SNX29: variants seen among roughly 807,000 people sequenced by gnomAD.
The protein encoded by SNX29 is sorting nexin 29.
Under a neutral mutation model 102.1 loss-of-function variants are expected in SNX29, and 78 were observed. The ratio of observed to expected loss-of-function variants is 0.76; its 90% CI spans 0.64 to 0.92. The LOEUF (loss-of-function observed/expected upper bound fraction) is 0.92. Among genes scored for constraint, SNX29 ranks in the 40% least tolerant of loss-of-function variants. SNX29 has a pLI of 0.00. For synonymous variants in SNX29, 580 were observed against 414.5 expected (o/e 1.40, Z -4.85); for missense variants, 1,280 against 1,061.7 (o/e 1.21, Z -2.86).
At chr16:12,043,830 T>C (rs1596676457) in intron 5 of SNX29, among the ~76,000 whole-genome samples, 1 of 152,186 alleles carries the variant, frequency 6.6e-6, no homozygotes, top group African/African-American at 2.4e-5. Flanking sequence ...CTGGGCTCAC[T>C]GCAACCTCCG....
chr16:12,396,316 G>T (rs2083718911), intron 16 of SNX29, among the ~76,000 whole-genome samples: 1 of 152,190 alleles, frequency 6.6e-6, no homozygotes, highest in African/African-American at 2.4e-5. Context: ...CCTTCTGCCT[G>T]TGCTCTGTGG....
rs559414979 is a variant in SNX29 at position 12,263,632 on chromosome 16, T to A, written c.1679-14301T>A. ...TTCCCTGCAGTGAACATATGTTACTTATATAATTTGAGAAAATAAACTTTT... is the reference window on the plus strand; with the variant it reads ...TTCCCTGCAGTGAACATATGTTACTAATATAATTTGAGAAAATAAACTTTT... On this transcript the variant is annotated intron_variant, in intron 14 of 20. Transcript: ENST00000566228. 2.9e-4 allele frequency among the ~76,000 whole-genome samples: 44 copies of A among 152,324 alleles called. 1 individual carries two copies. The Middle Eastern group carries it at 0.01, about 36-fold the overall frequency.
chr16:12,254,756 C>T (rs995395842), intron 14 of SNX29, among the ~76,000 whole-genome samples: 3 of 152,122 alleles, frequency 2.0e-5, no homozygotes, highest in African/African-American at 7.2e-5. Flanking sequence ...TGTGTTGTGG[C>T]TGCCGATGGG....
intron 13 of SNX29, among the ~76,000 whole-genome samples, chr16:12,142,982 G>T (rs1189308831): frequency 6.6e-6 from 1 of 151,388 alleles, no homozygotes; most frequent in African/African-American, 2.4e-5. Flanking sequence ...TGAAGGGAAG[G>T]ATATGCAAGC....
Position 12,282,083 on chromosome 16 carries a change from CAAAAA to C in SNX29, c.1782+4068_1782+4072del, listed in dbSNP as rs758827865. Among the ~76,000 whole-genome samples the C allele has an allele frequency of 6.9e-4, 43 of 62,070 alleles. 1 individual carries two copies. Among genetic ancestry groups the C allele is most frequent in the African/African-American group, 2.6e-3 (42 of 15,996 alleles). 40.7% of individuals were successfully genotyped at this position (62,070 alleles called of 152,430 possible). On this transcript the variant is annotated intron_variant, in intron 15 of 20. Transcript: ENST00000566228. ...TGGGCGACAGAGTGAGACTCCATCT[CAAAAA>C]AAAAAAAAAAAAAAAAAAAATGCAG...
intron 15 of SNX29, among the ~76,000 whole-genome samples, chr16:12,305,281 G>A (rs58009694): frequency 0.054 from 8,295 of 152,314 alleles, 333 homozygotes; most frequent in African/African-American, 0.12. Flanking sequence ...GAGGTGTGAC[G>A]AGGTTAGACT....
At chr16:11,976,869 C>G in intron 1 of SNX29, 56 bp downstream of exon 1, 2 of 1,318,212 alleles carry the variant, frequency 1.5e-6, no homozygotes, top group Non-Finnish European at 1.9e-6. Flanking sequence ...TCCCGCCGCT[C>G]CAGCTGCACA....
chr16:11,982,725 G>A (rs527528431), intron 1 of SNX29, among the ~76,000 whole-genome samples: 2 of 152,044 alleles, frequency 1.3e-5, no homozygotes, highest in East Asian at 1.9e-4. Flanking sequence ...CACCGTGCCC[G>A]GTCTCCATCA....
intron 13 of SNX29, among the ~76,000 whole-genome samples, chr16:12,196,778 G>T (rs1169707105): frequency 6.6e-6 from 1 of 151,840 alleles, no homozygotes; most frequent in Non-Finnish European, 1.5e-5. Flanking sequence ...ATGCCACCAT[G>T]CCCAGCTAAT....
chr16:12,486,296 T>C (rs546011964), intron 19 of SNX29, among the ~76,000 whole-genome samples: 1 of 152,336 alleles, frequency 6.6e-6, no homozygotes, highest in Non-Finnish European at 1.5e-5. Flanking sequence ...GTAATGTCCC[T>C]GTGTCAGGGC....
At chr16:12,121,468 G>T (rs1361876962) in intron 11 of SNX29, among the ~76,000 whole-genome samples, 2 of 152,370 alleles carry the variant, frequency 1.3e-5, no homozygotes, top group East Asian at 3.9e-4. Flanking sequence ...TCTCCCGCTG[G>T]CCCTTGGGTA....
rs941036931 is a variant in SNX29, at chr16:12,564,212, ACC to A, written c.2319-4290_2319-4289del. On this transcript the variant is annotated intron_variant, in intron 20 of 20. Coordinates refer to ENST00000566228, the MANE Select transcript of SNX29 (RefSeq NM_032167.5). ...AGACCGTCCTGGGCACCATAGGGAG[ACC>A]CCCACATCTCTAAGAGAAAAAAATC... Among the ~76,000 whole-genome samples, 9 of 136,028 alleles carry A rather than the reference ACC, an allele frequency of 6.6e-5. No individual in the cohort carries two copies. In the East Asian group the frequency reaches 7.5e-4, roughly 11 times the overall value. The allele number at this position is 136,028 out of a possible 152,430, so 89.2% of individuals were successfully genotyped here.
At chr16:12,228,074 A>G (rs1190750935) in intron 14 of SNX29, among the ~76,000 whole-genome samples, 2 of 152,262 alleles carry the variant, frequency 1.3e-5, no homozygotes, top group South Asian at 2.1e-4. Flanking sequence ...CCAGGAGTTC[A>G]AGACCAGACT....
At chr16:12,500,439 T>C (rs950411182) in intron 19 of SNX29, among the ~76,000 whole-genome samples, 1 of 152,140 alleles carries the variant, frequency 6.6e-6, no homozygotes, top group Non-Finnish European at 1.5e-5. Context: ...GGCTGGGACT[T>C]CTGACAGGAG....
At chr16:12,204,297 GT>G (rs2076991450) in intron 14 of SNX29, among the ~76,000 whole-genome samples, 1 of 152,148 alleles carries the variant, frequency 6.6e-6, no homozygotes, top group African/African-American at 2.4e-5. Context: ...AGCTTGATTA[GT>G]TTTCTATAGC....
At chr16:12,437,791 G>A (rs1371228770) in intron 18 of SNX29, among the ~76,000 whole-genome samples, 1 of 152,170 alleles carries the variant, frequency 6.6e-6, no homozygotes, top group Non-Finnish European at 1.5e-5. Context: ...GGCACTTAAT[G>A]TCTTTTTCGG....
At chr16:12,220,082 C>A (rs372375131) in intron 14 of SNX29, among the ~76,000 whole-genome samples, 2 of 152,234 alleles carry the variant, frequency 1.3e-5, no homozygotes, top group Non-Finnish European at 2.9e-5. Flanking sequence ...GGGTCTCTTG[C>A]GACCTGCAGC....
At chr16:12,437,701 G>A (rs992181553) in intron 18 of SNX29, among the ~76,000 whole-genome samples, 1 of 152,144 alleles carries the variant, frequency 6.6e-6, no homozygotes, top group African/African-American at 2.4e-5. Flanking sequence ...GGGGTCAGGA[G>A]CACACCGGCA....
intron 16 of SNX29, among the ~76,000 whole-genome samples, chr16:12,359,532 G>A (rs1171866811): frequency 6.6e-6 from 1 of 151,964 alleles, no homozygotes; most frequent in Non-Finnish European, 1.5e-5. Context: ...TCAGTTACAT[G>A]TATTTTACAT....
Sources: allele counts gnomAD v4.1 joint callset (sites outside exome capture counted in the v4.1 genomes callset), GRCh38; gene constraint gnomAD v4.1.1; transcripts MANE v1.5; gene names NCBI Gene and HGNC (gene_info 2026-07-23, HGNC 2026-07-21).